The following EDIL3 variants were observed in gnomAD, a reference collection of about 807,000 sequenced individuals.
EDIL3 encodes EGF like and discoidin domains 3, also known as EGF-like repeat and discoidin I-like domain-containing protein 3.
A neutral mutation model predicts 67.4 loss-of-function variants in EDIL3; 37 were observed. That is an observed-to-expected ratio of 0.55 (90% CI 0.42 to 0.72). The LOEUF (loss-of-function observed/expected upper bound fraction) is 0.72, where lower values mean the gene tolerates loss of function less well. Among genes scored for constraint, EDIL3 ranks in the 30% least tolerant of loss-of-function variants. The pLI is 0.00. For synonymous variants in EDIL3, 195 were observed against 196.3 expected (o/e 0.99, Z 0.05); for missense variants, 527 against 586.3 (o/e 0.90, Z 1.04).
chr5:84,140,563 T>C (rs1748171063), intron 4 of EDIL3, among the ~76,000 whole-genome samples: 1 of 151,904 alleles, frequency 6.6e-6, no homozygotes, highest in African/African-American at 2.4e-5. Context: ...CATCCGATTC[T>C]AAAAAATCAA....
chr5:84,097,062 A>G (rs1747277971), intron 6 of EDIL3, among the ~76,000 whole-genome samples: 1 of 152,084 alleles, frequency 6.6e-6, no homozygotes, highest in African/African-American at 2.4e-5. Flanking sequence ...TTCTTTTGTA[A>G]ATTGCCCAGC....
At chr5:84,005,211 C>T (rs1745391201) in intron 9 of EDIL3, among the ~76,000 whole-genome samples, 2 of 151,918 alleles carry the variant, frequency 1.3e-5, no homozygotes, top group South Asian at 4.2e-4. Context: ...ACAAAAAGCC[C>T]AAGATCAGAT....
At chr5:84,146,792 G>T (rs975442940) in intron 4 of EDIL3, among the ~76,000 whole-genome samples, 1 of 151,822 alleles carries the variant, frequency 6.6e-6, no homozygotes, top group Admixed American at 6.6e-5. Flanking sequence ...CCTTTTTAGA[G>T]GGCATTGATA....
chr5:84,198,607 C>CTTGT (rs2112375634), intron 3 of EDIL3, among the ~76,000 whole-genome samples: 1 of 152,150 alleles, frequency 6.6e-6, no homozygotes, highest in Admixed American at 6.5e-5. Context: ...TTATCGATGC[C>CTTGT]TTGTTTGTCT....
At chr5:84,276,775 T>G (rs1403514948) in intron 1 of EDIL3, among the ~76,000 whole-genome samples, 3 of 152,056 alleles carry the variant, frequency 2.0e-5, no homozygotes, top group African/African-American at 7.2e-5. Flanking sequence ...GGTTTCACCA[T>G]GTTGGCCAGG....
At chr5:83,970,802 A>C (rs1561389330) in intron 9 of EDIL3, among the ~76,000 whole-genome samples, 2 of 151,214 alleles carry the variant, frequency 1.3e-5, no homozygotes, top group African/African-American at 2.4e-5. Flanking sequence ...TAATAGTATT[A>C]ATCATCATCA....
intron 1 of EDIL3, among the ~76,000 whole-genome samples, chr5:84,380,353 T>C (rs1195615877): frequency 6.6e-6 from 1 of 152,078 alleles, no homozygotes; most frequent in African/African-American, 2.4e-5. Context: ...AAAATAATAA[T>C]GTTAATTTTC....
chr5:84,384,327 A>G lies in EDIL3; in HGVS notation c.48T>C (p.Gly16=), dbSNP rs1416847937. Residue 16 remains glycine, a synonymous_variant, in exon 1 of 11, where the codon GGT becomes GGC. Transcript: ENST00000296591. ...AVWLLVGLSL[G]VPQFGKGDIC... ...CCTTACCTTTGCCGAACTGGGGGAC[A>G]CCGAGGCTGAGCCCGACCAAGAGCC... 6.2e-7 allele frequency: 1 copy of G among 1,611,110 alleles called. No homozygotes were observed. Among genetic ancestry groups the G allele is most frequent in the East Asian group, 2.2e-5 (1 of 44,528 alleles).
At chr5:84,237,863 T>C (rs1030808052) in intron 2 of EDIL3, among the ~76,000 whole-genome samples, 4 of 152,118 alleles carry the variant, frequency 2.6e-5, no homozygotes, top group Non-Finnish European at 5.9e-5. Context: ...TTTAATAAAG[T>C]TACCATTAAC....
In EDIL3 at chr5:84,254,126, C is replaced by G. The variant is rs1173726255; in HGVS notation, c.154G>C (p.Asp52His). ...ADGSFSCECP[D>H]GFTDPNCSSV... ...GAACAGTTGGGGTCTGTGAAGCCAT[C>G]TGGACACTCACAGGAAAAGGAACCA... Residue 52 changes from aspartate to histidine, a missense_variant, in exon 2 of 11, where the codon GAT becomes CAT. Asp to His is a moderately conservative substitution (Grantham distance 81). This residue lies in a region of EDIL3 where 494 missense variants were observed against 522.5 expected (regional missense o/e 0.95). Coordinates refer to ENST00000296591, the MANE Select transcript of EDIL3 (RefSeq NM_005711.5). 2 of 1,612,900 alleles carry G rather than the reference C, an allele frequency of 1.2e-6. No individual in the cohort carries two copies. Among genetic ancestry groups the G allele is most frequent in the Non-Finnish European group, 1.7e-6 (2 of 1,179,426 alleles).
intron 10 of EDIL3, among the ~76,000 whole-genome samples, chr5:83,946,094 C>G (rs2112111888): frequency 6.6e-6 from 1 of 152,012 alleles, no homozygotes; most frequent in South Asian, 2.1e-4. Flanking sequence ...TAGTTAACTT[C>G]ATAAAATCTC....
intron 1 of EDIL3, among the ~76,000 whole-genome samples, chr5:84,304,796 T>A (rs542605651): frequency 6.6e-6 from 1 of 152,306 alleles, no homozygotes; most frequent in South Asian, 2.1e-4. Flanking sequence ...AACAATTGGA[T>A]GCAAGCCAGG....
At chr5:84,263,622 G>A (rs1411849103) in intron 1 of EDIL3, among the ~76,000 whole-genome samples, 1 of 152,108 alleles carries the variant, frequency 6.6e-6, no homozygotes, top group East Asian at 1.9e-4. Context: ...AATGGTAAAG[G>A]TTAAATGTTA....
intron 3 of EDIL3, among the ~76,000 whole-genome samples, chr5:84,190,887 C>G (rs1743572319): frequency 6.6e-6 from 1 of 151,670 alleles, no homozygotes; most frequent in African/African-American, 2.4e-5. Context: ...ATTTTTGTAC[C>G]CTCATAGTCC....
chr5:83,964,221 A>AT (rs1036794306), intron 9 of EDIL3, among the ~76,000 whole-genome samples: 1 of 151,754 alleles, frequency 6.6e-6, no homozygotes, highest in African/African-American at 2.4e-5. Flanking sequence ...TCATTCCTGC[A>AT]TTTTTTCACA....
At chr5:84,021,567 C>G (rs903519511) in intron 9 of EDIL3, among the ~76,000 whole-genome samples, 7 of 151,894 alleles carry the variant, frequency 4.6e-5, no homozygotes, top group African/African-American at 1.7e-4. Context: ...TGAGAAGATA[C>G]TTGATATAAT....
At chr5:84,025,207 T>C (rs1328427445) in intron 9 of EDIL3, among the ~76,000 whole-genome samples, 4 of 152,250 alleles carry the variant, frequency 2.6e-5, no homozygotes, top group Middle Eastern at 3.4e-3. Flanking sequence ...TTTCCTCTAG[T>C]CCAGGGGTCC....
intron 2 of EDIL3, among the ~76,000 whole-genome samples, chr5:84,237,608 G>T (rs986695115): frequency 6.6e-6 from 1 of 152,020 alleles, no homozygotes; most frequent in African/African-American, 2.4e-5. Context: ...TGAATAATCA[G>T]ATTTCATTTG....
chr5:84,029,229 T>C (rs778449060), intron 9 of EDIL3, among the ~76,000 whole-genome samples: 10 of 152,068 alleles, frequency 6.6e-5, no homozygotes, highest in Non-Finnish European at 1.0e-4. Flanking sequence ...CACTCCAGCC[T>C]GGGGGACAGA....
Sources: allele counts gnomAD v4.1 joint callset (sites outside exome capture counted in the v4.1 genomes callset), GRCh38; gene constraint gnomAD v4.1.1; regional missense constraint gnomAD v4.1.1; transcripts MANE v1.5; gene names NCBI Gene and HGNC (gene_info 2026-07-23, HGNC 2026-07-21).